The following COMMD1 variants were observed in gnomAD, a reference collection of about 807,000 sequenced individuals.
COMMD1 encodes the protein COMM domain-containing protein 1.
A neutral mutation model predicts 17.2 loss-of-function variants in COMMD1; 10 were observed. The observed-to-expected ratio is 0.58, with a 90% CI of 0.36 to 0.99. The LOEUF (loss-of-function observed/expected upper bound fraction) is 0.99. Ranked by LOEUF, COMMD1 falls within the 50% of genes least tolerant of loss-of-function variation. The probability of loss-of-function intolerance (pLI) is 0.01; values close to 1 mark genes in which losing one functional copy is unlikely to be tolerated. For synonymous variants in COMMD1, 97 were observed against 91.6 expected (o/e 1.06, Z -0.34); for missense variants, 270 against 231.8 (o/e 1.17, Z -1.07).
At chr2:62,019,672 T>C (rs1367420460) in intron 2 of COMMD1, among the ~76,000 whole-genome samples, 1 of 152,182 alleles carries the variant, frequency 6.6e-6, no homozygotes, top group Non-Finnish European at 1.5e-5. Flanking sequence ...GTAGCTTTCT[T>C]GTCACACCAT....
At chr2:61,901,498 A>G (rs1669656005), upstream of COMMD1, among the ~76,000 whole-genome samples, 1 of 151,844 alleles carries the variant, frequency 6.6e-6, no homozygotes, top group African/African-American at 2.4e-5. Context: ...TGGTGTGCAT[A>G]TGTAATCCCA....
intron 1 of COMMD1, among the ~76,000 whole-genome samples, chr2:61,891,133 G>T (rs554767603): frequency 1.3e-5 from 2 of 152,142 alleles, no homozygotes; most frequent in African/African-American, 4.8e-5. Flanking sequence ...AAATAGGAGG[G>T]TTGAACTAGA....
intron 1 of COMMD1, among the ~76,000 whole-genome samples, chr2:61,954,248 G>GC (rs976396826): frequency 7.9e-5 from 12 of 152,018 alleles, no homozygotes; most frequent in Non-Finnish European, 2.9e-5. Flanking sequence ...ACTGGGAATA[G>GC]CCATCCAGGA....
At chr2:61,929,340 G>A (rs1670404928) in intron 1 of COMMD1, among the ~76,000 whole-genome samples, 1 of 152,100 alleles carries the variant, frequency 6.6e-6, no homozygotes, top group African/African-American at 2.4e-5. Flanking sequence ...TATTTTGTCG[G>A]GGTCTAGCAA....
chr2:61,902,367 G>A (rs1669674813), upstream of COMMD1, among the ~76,000 whole-genome samples: 1 of 151,778 alleles, frequency 6.6e-6, no homozygotes, highest in Non-Finnish European at 1.5e-5. Flanking sequence ...TTAGCCAGGT[G>A]TGGTGGCGCA....
rs55789110 is a variant in COMMD1 at position 62,121,371 on chromosome 2, C to CAAAAA, written c.463-14438_463-14434dup. The stretch of plus-strand genomic sequence containing the variant: ...GGCAACAGAGTGAGAGACTCTTTCT[C>CAAAAA]AAAAAAAAAAAAAAAAAAAAAAAAA... On this transcript the variant is annotated intron_variant, in intron 2 of 2. Coordinates refer to ENST00000311832, the MANE Select transcript of COMMD1 (RefSeq NM_152516.4). Among the ~76,000 whole-genome samples the CAAAAA allele has an allele frequency of 2.1e-3, 99 of 47,202 alleles. 5 individuals carry two copies. Among genetic ancestry groups the CAAAAA allele is most frequent in the African/African-American group, 8.7e-3 (93 of 10,744 alleles). The allele number at this position is 47,202 out of a possible 152,430, so 31.0% of individuals were successfully genotyped here. A position where few individuals can be genotyped will look rare whatever the true frequency, so the allele number is the denominator to read the frequency against.
At chr2:62,046,635 G>A (rs1402717246) in intron 2 of COMMD1, among the ~76,000 whole-genome samples, 1 of 152,214 alleles carries the variant, frequency 6.6e-6, no homozygotes, top group Non-Finnish European at 1.5e-5. Context: ...CTACTATATT[G>A]TCTTGATCTT....
At chr2:62,053,765 G>A (rs770905784) in intron 2 of COMMD1, among the ~76,000 whole-genome samples, 3 of 152,166 alleles carry the variant, frequency 2.0e-5, no homozygotes, top group Non-Finnish European at 4.4e-5. Flanking sequence ...ATTACAGTTG[G>A]TATAGGTACA....
chr2:62,061,534 T>C (rs1259285024), intron 2 of COMMD1, among the ~76,000 whole-genome samples: 1 of 151,454 alleles, frequency 6.6e-6, no homozygotes, highest in South Asian at 2.1e-4. Flanking sequence ...GGTTTATGTG[T>C]GGCTGTCTTT....
intron 1 of COMMD1, among the ~76,000 whole-genome samples, chr2:61,932,802 C>T (rs1201387979): frequency 6.6e-6 from 1 of 152,158 alleles, no homozygotes; most frequent in African/African-American, 2.4e-5. Context: ...GGAAGCAGCC[C>T]AGTTGATCCT....
chr2:62,045,348 G>A (rs1330237868), intron 2 of COMMD1, among the ~76,000 whole-genome samples: 2 of 152,076 alleles, frequency 1.3e-5, no homozygotes, highest in African/African-American at 4.8e-5. Context: ...GGAGCACTTG[G>A]GGAAGTTGTA....
intron 2 of COMMD1, among the ~76,000 whole-genome samples, chr2:62,087,364 G>C (rs181981237): frequency 1.4e-3 from 209 of 152,268 alleles, no homozygotes; most frequent in Non-Finnish European, 2.4e-3. Flanking sequence ...CCTCATATTA[G>C]AAAACTCTAC....
chr2:62,115,847 TCTTTC>T (rs1558605704), intron 2 of COMMD1, among the ~76,000 whole-genome samples: 1 of 116,092 alleles, frequency 8.6e-6, no homozygotes, highest in Non-Finnish European at 1.8e-5. Flanking sequence ...TTTCTTTCTT[TCTTTC>T]TTTCTTTCTT....
chr2:61,947,876 A>G (rs1670950739), intron 1 of COMMD1, among the ~76,000 whole-genome samples: 1 of 144,386 alleles, frequency 6.9e-6, no homozygotes, highest in African/African-American at 2.9e-5. Context: ...GACTTATGAA[A>G]CACAATTGTT....
chr2:62,041,670 A>C (rs930621098), intron 2 of COMMD1, among the ~76,000 whole-genome samples: 1 of 152,124 alleles, frequency 6.6e-6, no homozygotes, highest in East Asian at 1.9e-4. Flanking sequence ...TGTGTCCGGA[A>C]TTGGTGGGTT....
At chr2:61,966,293 A>G (rs1671502832) in intron 1 of COMMD1, among the ~76,000 whole-genome samples, 1 of 152,170 alleles carries the variant, frequency 6.6e-6, no homozygotes, top group Admixed American at 6.5e-5. Context: ...TGATTATTAC[A>G]TAGTAGGTGT....
intron 2 of COMMD1, among the ~76,000 whole-genome samples, chr2:62,116,983 G>A (rs975858097): frequency 1.0e-4 from 13 of 130,418 alleles, no homozygotes; most frequent in African/African-American, 2.1e-4. Context: ...CAACAAGAGC[G>A]AAAACTTCGT....
Position 61,905,707 on chromosome 2 carries a change from A to G in COMMD1, c.29A>G (p.Lys10Arg). MAAGELEGG[K>R]PLSGLLNALA... The stretch of plus-strand genomic sequence containing the variant: ...GCGGCGGGCGAGCTTGAGGGTGGCA[A>G]ACCCCTGAGCGGGCTGCTGAATGCG... Residue 10 changes from lysine to arginine, a missense_variant, in exon 1 of 3, where the codon AAA becomes AGA. By Grantham distance (26) the Lys-to-Arg change is conservative. Coordinates refer to ENST00000311832, the MANE Select transcript of COMMD1 (RefSeq NM_152516.4). 2.5e-6 allele frequency: 4 copies of G among 1,593,228 alleles called. No individual in the cohort carries two copies. The highest frequency in any genetic ancestry group is 3.4e-6 in the Non-Finnish European group (4 of 1,168,332).
At chr2:61,969,887 A>G (rs2103719955) in intron 1 of COMMD1, among the ~76,000 whole-genome samples, 1 of 152,248 alleles carries the variant, frequency 6.6e-6, no homozygotes, top group East Asian at 1.9e-4. Flanking sequence ...GGTACAATCC[A>G]GCAATATGTT....
Sources: allele counts gnomAD v4.1 joint callset (sites outside exome capture counted in the v4.1 genomes callset), GRCh38; gene constraint gnomAD v4.1.1; transcripts MANE v1.5; gene names NCBI Gene and HGNC (gene_info 2026-07-23, HGNC 2026-07-21).